Variants in ZMIZ1 observed in about 807,000 individuals in gnomAD.
ZMIZ1 encodes the protein zinc finger MIZ domain-containing protein 1.
In ZMIZ1, 17 loss-of-function variants were observed where a neutral mutation model predicts 113.9. The ratio of observed to expected loss-of-function variants is 0.15; its 90% CI spans 0.10 to 0.22. The LOEUF (loss-of-function observed/expected upper bound fraction) is 0.22, where lower values mean the gene tolerates loss of function less well. ZMIZ1 is among the 10% of genes least tolerant of loss of function. The pLI is 1.00. For missense variants in ZMIZ1, 1,059 were observed against 1,477.8 expected, an observed-to-expected ratio of 0.72 and a Z score of 4.65; for synonymous variants, 607 against 603.1, an observed-to-expected ratio of 1.01 and a Z score of -0.09.
chr10:79,294,123 C>G (rs192063893), intron 12 of ZMIZ1: 29 of 204,480 alleles, frequency 1.4e-4, no homozygotes, highest in Non-Finnish European at 2.6e-4. Flanking sequence ...AGGCAGGCAG[C>G]GTGTTTCCAG....
chr10:79,315,968 C>A lies in ZMIZ1; in HGVS notation c.*3219C>A, dbSNP rs1855511498. 1 of 152,658 alleles carries A rather than the reference C, an allele frequency of 6.6e-6. No individual in the cohort carries two copies. Among genetic ancestry groups the A allele is most frequent in the African/African-American group, 2.4e-5 (1 of 41,410 alleles). The allele number at this position is 152,658 out of a possible 1,614,324, so 9.5% of individuals were successfully genotyped here. On this transcript the variant is annotated 3_prime_UTR_variant, in exon 25 of 25. Coordinates refer to ENST00000334512, the MANE Select transcript of ZMIZ1 (RefSeq NM_020338.4). Reference sequence around the variant, plus strand: ...TCTCGCTCATGTAATATACTCTGACCCTGAGTGGAAAGGGGTTTTTGTTCT... The same window carrying A: ...TCTCGCTCATGTAATATACTCTGACACTGAGTGGAAAGGGGTTTTTGTTCT...
chr10:79,129,195 G>C (rs1176866011), intron 2 of ZMIZ1, among the ~76,000 whole-genome samples: 1 of 152,194 alleles, frequency 6.6e-6, no homozygotes, highest in Non-Finnish European at 1.5e-5. Context: ...ACAAGGTACT[G>C]TTATAAGCTC....
Position 79,293,303 on chromosome 10 carries a change from C to T in ZMIZ1, c.958-78C>T, listed in dbSNP as rs532535405. ...ACTCCTCCACCTCCCCAACCCTTCC[C>T]TCCCTGCACTTTCAATGCATGTGGC... On this transcript the variant is annotated intron_variant, in intron 11 of 24. Coordinates refer to ENST00000334512, the MANE Select transcript of ZMIZ1 (RefSeq NM_020338.4). 2.8e-5 allele frequency: 42 copies of T among 1,494,998 alleles called. No homozygotes were observed. In the East Asian group the frequency reaches 7.8e-4, roughly 28 times the overall value. The allele number at this position is 1,494,998 out of a possible 1,614,324, so 92.6% of individuals were successfully genotyped here.
chr10:79,125,490 T>G (rs1338269818), intron 2 of ZMIZ1, among the ~76,000 whole-genome samples: 4 of 152,228 alleles, frequency 2.6e-5, no homozygotes, highest in African/African-American at 4.8e-5. Context: ...GTAAAGAGTT[T>G]CCTGGGTGTT....
intron 7 of ZMIZ1, among the ~76,000 whole-genome samples, chr10:79,261,412 G>C (rs1205424121): frequency 6.6e-6 from 1 of 152,236 alleles, no homozygotes; most frequent in African/African-American, 2.4e-5. Context: ...AGGGGGAGGA[G>C]GGAGAGAGCT....
At position 79,315,162 on chromosome 10, in the gene ZMIZ1, C is replaced by G. The variant is rs972135312; in HGVS notation, c.*2413C>G. The G allele has an allele frequency of 6.5e-6, 1 of 152,840 alleles. No homozygotes were observed. The highest frequency in any genetic ancestry group is 1.5e-5 in the Non-Finnish European group (1 of 68,154). 9.5% of individuals were successfully genotyped at this position (152,840 alleles called of 1,614,324 possible). ...TTTCCTGGGTCCCCTCTCCAGCAAG[C>G]CTCCACCAGCAAGCTCGGCCCAGAG... On this transcript the variant is annotated 3_prime_UTR_variant, in exon 25 of 25. Transcript: ENST00000334512.
intron 13 of ZMIZ1, 90 bp from the exon 14 acceptor site, chr10:79,297,523 G>A: frequency 9.0e-7 from 1 of 1,111,796 alleles, no homozygotes. Flanking sequence ...GCATCCCCGT[G>A]CTCCTGGTAG....
At chr10:79,193,333 A>G (rs1210842066) in intron 4 of ZMIZ1, among the ~76,000 whole-genome samples, 1 of 152,268 alleles carries the variant, frequency 6.6e-6, no homozygotes, top group African/African-American at 2.4e-5. Context: ...ATGAGAATGT[A>G]AAAGGTTTGT....
rs536391263 is a variant in ZMIZ1 at position 79,232,076 on chromosome 10, C to A, written c.280+15802C>A. 1.3e-4 allele frequency among the ~76,000 whole-genome samples: 20 copies of A among 152,282 alleles called. No individual in the cohort carries two copies. The East Asian group carries it at 3.3e-3, about 25-fold the overall frequency. On this transcript the variant is annotated intron_variant, in intron 7 of 24. Transcript: ENST00000334512. ...CTTGAGCTTGCCTCCTGCTCTCCTG[C>A]TTTAGAGCTGTGTGACTTTAAGGAA...
At chr10:79,130,870 G>A (rs1048285613) in intron 2 of ZMIZ1, among the ~76,000 whole-genome samples, 1 of 152,156 alleles carries the variant, frequency 6.6e-6, no homozygotes, top group Non-Finnish European at 1.5e-5. Flanking sequence ...CATCAGGCAG[G>A]TATCTATGAA....
At chr10:79,259,244 G>C (rs577894251) in intron 7 of ZMIZ1, among the ~76,000 whole-genome samples, 6 of 152,140 alleles carry the variant, frequency 3.9e-5, no homozygotes, top group African/African-American at 7.2e-5. Context: ...GGGAAGGGGG[G>C]GCTGGAGCTC....
intron 1 of ZMIZ1, among the ~76,000 whole-genome samples, chr10:79,075,902 G>A (rs1842458258): frequency 6.6e-6 from 1 of 152,116 alleles, no homozygotes; most frequent in Non-Finnish European, 1.5e-5. Context: ...CTCTCTCCCC[G>A]CACCCCATTC....
At chr10:79,159,875 G>T (rs999816869) in intron 3 of ZMIZ1, among the ~76,000 whole-genome samples, 5 of 152,336 alleles carry the variant, frequency 3.3e-5, no homozygotes, top group African/African-American at 1.2e-4. Context: ...ACACCAAGGG[G>T]CTGGGGTGGC....
intron 5 of ZMIZ1, among the ~76,000 whole-genome samples, chr10:79,206,828 C>CCTCTTTCTCTCCTACAT (rs1848336353): frequency 6.6e-6 from 1 of 152,204 alleles, no homozygotes; most frequent in African/African-American, 2.4e-5. Flanking sequence ...GCTTGCCTGC[C>CCTCTTTCTCTCCTACAT]CTCTTTCTCT....
intron 4 of ZMIZ1, among the ~76,000 whole-genome samples, chr10:79,190,362 G>A (rs142820941): frequency 6.6e-6 from 1 of 152,310 alleles, no homozygotes; most frequent in Non-Finnish European, 1.5e-5. Flanking sequence ...CGGATCCACA[G>A]TGGGGCCTTC....
intron 5 of ZMIZ1, 75 bp from the exon 6 acceptor site, chr10:79,208,261 A>G: frequency 7.4e-7 from 1 of 1,353,374 alleles, no homozygotes; most frequent in South Asian, 1.2e-5. Context: ...GGTTCTTCCC[A>G]CCCCAGACCC....
At chr10:79,251,280 C>T (rs1269327257) in intron 7 of ZMIZ1, among the ~76,000 whole-genome samples, 2 of 152,134 alleles carry the variant, frequency 1.3e-5, no homozygotes, top group African/African-American at 4.8e-5. Flanking sequence ...TCTGTAGAAC[C>T]GGAGACTAGT....
At chr10:79,173,120 C>T (rs10762852) in intron 4 of ZMIZ1, among the ~76,000 whole-genome samples, 28,909 of 152,044 alleles carry the variant, frequency 0.19, 3,114 homozygotes, top group Middle Eastern at 0.24. Context: ...TCAGGGCCTG[C>T]TTGGCTGTAT....
At chr10:79,145,465 A>C (rs1316320388) in intron 3 of ZMIZ1, among the ~76,000 whole-genome samples, 2 of 151,406 alleles carry the variant, frequency 1.3e-5, no homozygotes, top group African/African-American at 4.9e-5. Flanking sequence ...TCCGGGTTCA[A>C]ATCCCACCCC....
Sources: allele counts gnomAD v4.1 joint callset (sites outside exome capture counted in the v4.1 genomes callset), GRCh38; gene constraint gnomAD v4.1.1; transcripts MANE v1.5; gene names NCBI Gene and HGNC (gene_info 2026-07-23, HGNC 2026-07-21).